RANBP2: variants seen among roughly 807,000 people sequenced by gnomAD.
RANBP2 encodes E3 SUMO-protein ligase RanBP2.
In RANBP2, 57 loss-of-function variants were observed where a neutral mutation model predicts 303.6. The observed-to-expected ratio is 0.19, with a 90% CI of 0.15 to 0.23. The LOEUF is 0.23. RANBP2 is among the 10% of genes least tolerant of loss of function. The probability of loss-of-function intolerance (pLI) is 1.00; values close to 1 mark genes in which losing one functional copy is unlikely to be tolerated. For synonymous variants in RANBP2, 1,167 were observed against 1,301.5 expected (o/e 0.90, Z 2.23); for missense variants, 3,138 against 3,780.8 (o/e 0.83, Z 4.46).
chr2:109,485,977 C>T, the RANBP2 span, among the ~76,000 whole-genome samples: 1 of 152,374 alleles, frequency 6.6e-6, no homozygotes, highest in Admixed American at 6.5e-5. Flanking sequence ...CTGGAGCCAG[C>T]CAGACAGCTC....
At chr2:108,993,963 G>T in the RANBP2 span, among the ~76,000 whole-genome samples, 25 of 152,208 alleles carry the variant, frequency 1.6e-4, no homozygotes, top group South Asian at 5.0e-3. Context: ...GCTGTCTGGG[G>T]TGTCATTTAC....
At chr2:109,642,683 C>T in the RANBP2 span, among the ~76,000 whole-genome samples, 2 of 150,922 alleles carry the variant, frequency 1.3e-5, no homozygotes, top group Non-Finnish European at 3.0e-5. Context: ...AGGTAACTAA[C>T]AATATCAGTG....
the RANBP2 span, among the ~76,000 whole-genome samples, chr2:109,710,805 C>T: frequency 6.6e-6 from 1 of 152,060 alleles, no homozygotes; most frequent in Non-Finnish European, 1.5e-5. Flanking sequence ...GGGCTGAACC[C>T]CCCGGGCACT....
chr2:109,588,850 TAAAAAAA>T, the RANBP2 span, among the ~76,000 whole-genome samples: 310 of 111,448 alleles, frequency 2.8e-3, 2 homozygotes, highest in African/African-American at 0.011. Flanking sequence ...CAATTACTAT[TAAAAAAA>T]AAAAAAAAAA....
chr2:109,087,639 C>G, the RANBP2 span, among the ~76,000 whole-genome samples: 2 of 152,178 alleles, frequency 1.3e-5, no homozygotes, highest in Non-Finnish European at 2.9e-5. Flanking sequence ...ATTACTGAAC[C>G]TCTCTGGGCC....
At chr2:109,025,879 C>T in the RANBP2 span, among the ~76,000 whole-genome samples, 1 of 152,012 alleles carries the variant, frequency 6.6e-6, no homozygotes, top group Non-Finnish European at 1.5e-5. Context: ...TGGTTAATTC[C>T]TAGATTTCTA....
At chr2:109,442,172 G>A in the RANBP2 span, among the ~76,000 whole-genome samples, 10 of 152,140 alleles carry the variant, frequency 6.6e-5, no homozygotes, top group Non-Finnish European at 1.0e-4. Flanking sequence ...TTAGCCAGGC[G>A]TGTTGGCGGG....
chr2:109,001,370 G>T, the RANBP2 span, among the ~76,000 whole-genome samples: 12 of 152,374 alleles, frequency 7.9e-5, no homozygotes, highest in Non-Finnish European at 1.0e-4. Context: ...AGTAGGGGCA[G>T]GGCAGCTTTC....
chr2:109,091,326 C>T, the RANBP2 span, among the ~76,000 whole-genome samples: 1 of 152,122 alleles, frequency 6.6e-6, no homozygotes, highest in South Asian at 2.1e-4. Flanking sequence ...GTGTCCTCTC[C>T]TTTTACATTT....
the RANBP2 span, chr2:109,614,129 G>C: frequency 8.3e-7 from 1 of 1,205,318 alleles, no homozygotes; most frequent in Non-Finnish European, 1.0e-6. Context: ...AGGAGAGCTG[G>C]GACTCCAGGA....
chr2:108,967,789 T>C, the RANBP2 span, among the ~76,000 whole-genome samples: 2 of 152,058 alleles, frequency 1.3e-5, no homozygotes, highest in East Asian at 3.9e-4. Context: ...GCTTCATATG[T>C]GGATATTTTT....
chr2:109,001,073 A>C, the RANBP2 span, among the ~76,000 whole-genome samples: 1 of 152,184 alleles, frequency 6.6e-6, no homozygotes, highest in African/African-American at 2.4e-5. Flanking sequence ...GGTTCTGATA[A>C]CTTTCTCCTT....
At position 108,735,612 on chromosome 2, in the gene RANBP2, T is replaced by C. The variant is rs755768536; in HGVS notation, c.486T>C (p.Pro162=). 2.4e-5 allele frequency: 38 copies of C among 1,597,512 alleles called. No homozygotes were observed. The South Asian group carries it at 3.8e-4, about 16-fold the overall frequency. The change falls in exon 5 of 29, where the codon CCT becomes CCC. Residue 162 remains proline (P), a synonymous_variant. Coordinates refer to ENST00000283195, the MANE Select transcript of RANBP2 (RefSeq NM_006267.5). ...DLIQSELYVR[P]DDVHVNIRLV... ...TTCAGTCAGAACTTTATGTAAGACC[T>C]GATGACGTCCATGTGAACATCCGGC...
At chr2:108,829,490 A>G in the RANBP2 span, among the ~76,000 whole-genome samples, 99,027 of 152,204 alleles carry the variant, frequency 0.65, 35,219 homozygotes, top group East Asian at 0.92. Context: ...CCATGCCTGT[A>G]ATGCCAGCAC....
chr2:108,748,817 C>T, intron 8 of RANBP2, 103 bp from the exon 9 acceptor site: 2 of 1,606,104 alleles, frequency 1.2e-6, no homozygotes, highest in Non-Finnish European at 1.7e-6. Flanking sequence ...GTTAGGTATG[C>T]AGTAATCATG....
the RANBP2 span, among the ~76,000 whole-genome samples, chr2:109,740,020 C>T: frequency 2.0e-5 from 3 of 148,988 alleles, 1 homozygote; most frequent in African/African-American, 5.1e-5. Context: ...TGGAGTCTCA[C>T]TCTGTCGCCA....
At chr2:109,404,622 G>T in the RANBP2 span, among the ~76,000 whole-genome samples, 32 of 152,282 alleles carry the variant, frequency 2.1e-4, no homozygotes, top group African/African-American at 7.5e-4. Context: ...GCCTGGGCAG[G>T]TGGGGTGTGG....
the RANBP2 span, among the ~76,000 whole-genome samples, chr2:108,832,488 C>T: frequency 6.6e-6 from 1 of 151,674 alleles, no homozygotes; most frequent in Non-Finnish European, 1.5e-5. Flanking sequence ...GCTGGGATTA[C>T]AGGCATGCGC....
the RANBP2 span, among the ~76,000 whole-genome samples, chr2:109,132,740 A>G: frequency 4.8e-4 from 73 of 152,344 alleles, no homozygotes; most frequent in African/African-American, 1.4e-3. Flanking sequence ...AATGTATGCT[A>G]AATTTCTCAG....
Sources: gnomAD v4.1 joint callset for allele counts (sites outside exome capture counted in the v4.1 genomes callset) on GRCh38, gnomAD v4.1.1 for gene constraint, MANE v1.5 for transcripts, NCBI Gene and HGNC (gene_info 2026-07-23, HGNC 2026-07-21) for gene names.